The following DPM1 variants were observed in gnomAD, a reference collection of about 807,000 sequenced individuals.
DPM1 encodes the protein dolichol-phosphate mannosyltransferase subunit 1.
Under a neutral mutation model 39.0 loss-of-function variants are expected in DPM1, and 27 were observed. That is an observed-to-expected ratio of 0.69 (90% confidence interval 0.51 to 0.95). The LOEUF is 0.95. DPM1 is among the 40% of genes least tolerant of loss of function. The pLI is 0.00. For missense variants in DPM1, 307 were observed against 315.6 expected, an observed-to-expected ratio of 0.97 and a Z score of 0.21; for synonymous variants, 124 against 109.0, an observed-to-expected ratio of 1.14 and a Z score of -0.86.
chr20:50,941,374 TTATATATATTCATATATATATTCATATTA>T (rs1217059376), intron 6 of DPM1, among the ~76,000 whole-genome samples: 1 of 142,826 alleles, frequency 7.0e-6, no homozygotes, highest in Non-Finnish European at 1.5e-5. Flanking sequence ...TATATTCATA[TTATATATATTCATATATATATTCATATTA>T]TATATATATA....
At chr20:50,945,663 T>C in intron 5 of DPM1, 74 bp downstream of exon 5, 1 of 1,325,704 alleles carries the variant, frequency 7.5e-7, no homozygotes, top group Non-Finnish European at 1.1e-6. Flanking sequence ...TAATAAAAAA[T>C]GAAAATAAGC....
intron 5 of DPM1, 148 bp downstream of exon 5, chr20:50,945,589 C>T: frequency 1.3e-6 from 1 of 789,530 alleles, no homozygotes. Context: ...AGCAACCCTC[C>T]TACCCTGACT....
intron 7 of DPM1, among the ~76,000 whole-genome samples, chr20:50,936,697 TCA>T (rs1199359485): frequency 1.3e-5 from 2 of 152,222 alleles, no homozygotes; most frequent in South Asian, 4.1e-4. Flanking sequence ...ACCTCATAAT[TCA>T]CAGTCATTTT....
intron 1 of DPM1, among the ~76,000 whole-genome samples, chr20:50,956,386 G>GAGGTC (rs1404818010): frequency 1.3e-5 from 2 of 152,000 alleles, no homozygotes; most frequent in Non-Finnish European, 2.9e-5. Flanking sequence ...GGCGGATCAC[G>GAGGTC]AGGTCAGGAT....
chr20:50,951,607 G>A (rs1015404423), intron 2 of DPM1, among the ~76,000 whole-genome samples: 3 of 152,028 alleles, frequency 2.0e-5, no homozygotes, highest in Non-Finnish European at 4.4e-5. Flanking sequence ...TGACCAACAC[G>A]GTGAAGCCCA....
intron 2 of DPM1, among the ~76,000 whole-genome samples, chr20:50,953,743 G>A (rs1442294699): frequency 6.6e-6 from 1 of 152,096 alleles, no homozygotes; most frequent in Non-Finnish European, 1.5e-5. Context: ...CTAAGGCTGA[G>A]GTTTTATGAC....
intron 1 of DPM1, among the ~76,000 whole-genome samples, chr20:50,956,283 C>T (rs193220386): frequency 2.6e-5 from 4 of 152,236 alleles, no homozygotes; most frequent in East Asian, 3.9e-4. Context: ...CATAACATTC[C>T]GTTTTCTCTT....
chr20:50,958,489 C>G lies in DPM1; in HGVS notation c.35G>C (p.Arg12Thr). Residue 12 changes from arginine (R) to threonine (T), a missense_variant, in exon 1 of 9, where the codon AGG (arginine) becomes ACG (threonine). This residue lies in a region of DPM1 where 206 missense variants were observed against 188.2 expected (regional missense o/e 1.09). Transcript: ENST00000371588. ...ASLEVSRSPRRSRRELEVRSP... is the reference protein window; with the variant it reads ...ASLEVSRSPRTSRRELEVRSP... ...GCGCACTTCCAGCTCCCGCCGAGAC[C>G]TGCGAGGACTACGACTGACTTCCAA... is the stretch of plus-strand genomic sequence containing the variant. 6.2e-7 allele frequency: 1 copy of G among 1,613,942 alleles called. No homozygotes were observed. Among genetic ancestry groups the G allele is most frequent in the Non-Finnish European group, 8.5e-7 (1 of 1,180,020 alleles).
chr20:50,950,651 T>A (rs1223908744), intron 2 of DPM1, among the ~76,000 whole-genome samples: 1 of 152,086 alleles, frequency 6.6e-6, no homozygotes, highest in Admixed American at 6.6e-5. Context: ...GGTGAATCAT[T>A]TGAGGTCAGG....
At chr20:50,943,471 T>A (rs1231355089) in intron 5 of DPM1, among the ~76,000 whole-genome samples, 1 of 151,182 alleles carries the variant, frequency 6.6e-6, no homozygotes, top group South Asian at 2.1e-4. Flanking sequence ...GTGATTCTCC[T>A]GCCTCAGCCT....
intron 1 of DPM1, 94 bp downstream of exon 1, chr20:50,958,269 C>T: frequency 4.6e-6 from 7 of 1,532,756 alleles, no homozygotes; most frequent in African/African-American, 1.4e-5. Flanking sequence ...GCAAAGAAGG[C>T]TGGACAGGGC....
chr20:50,939,080 A>C (rs117820637), intron 7 of DPM1, among the ~76,000 whole-genome samples: 1 of 152,206 alleles, frequency 6.6e-6, no homozygotes, highest in Non-Finnish European at 1.5e-5. Flanking sequence ...TGCTGTCAAT[A>C]CATGAAAATC....
intron 2 of DPM1, among the ~76,000 whole-genome samples, chr20:50,949,677 T>C (rs1056510669): frequency 2.6e-5 from 4 of 152,210 alleles, no homozygotes; most frequent in African/African-American, 7.2e-5. Flanking sequence ...CTTGTCTATC[T>C]TGTCCCCTTC....
At position 50,942,241 on chromosome 20, in the gene DPM1, C is replaced by T. The variant is rs1985901498; in HGVS notation, c.399-115G>A. On this transcript the variant is annotated intron_variant, in intron 5 of 8. Coordinates refer to ENST00000371588, the MANE Select transcript of DPM1 (RefSeq NM_003859.3). ...AGTCGACACAGGCTGGGTGCAGTGG[C>T]TCACGCCTGCAATCCTAGCACTTTG... The T allele has an allele frequency of 4.4e-6, 4 of 901,954 alleles. No homozygotes were observed. In the Admixed American group the frequency reaches 5.5e-5, roughly 12 times the overall value. 55.9% of individuals were successfully genotyped at this position (901,954 alleles called of 1,614,324 possible). A position where few individuals can be genotyped will look rare whatever the true frequency, so the allele number is the denominator to read the frequency against.
At chr20:50,958,542 G>T, upstream of DPM1, 1 of 1,613,074 alleles carries the variant, frequency 6.2e-7, no homozygotes, top group Non-Finnish European at 8.5e-7. Context: ...TGAGCCAGAT[G>T]CCGGAAGCGG....
intron 2 of DPM1, among the ~76,000 whole-genome samples, chr20:50,951,431 C>CA (rs1164878556): frequency 1.3e-5 from 2 of 152,182 alleles, no homozygotes; most frequent in African/African-American, 2.4e-5. Flanking sequence ...CATATATGCA[C>CA]AAAAAAACGC....
At chr20:50,941,156 G>A (rs1202074210) in intron 6 of DPM1, 4 of 567,416 alleles carry the variant, frequency 7.0e-6, no homozygotes, top group African/African-American at 6.1e-5. Context: ...CAAGATGGCT[G>A]GATCACTTGA....
rs371841749 is a variant in DPM1 at position 50,955,180 on chromosome 20, A to C, written c.261+6T>G. On this transcript the variant is annotated splice_donor_region_variant and intron_variant, in intron 2 of 8. Coordinates refer to ENST00000371588, the MANE Select transcript of DPM1 (RefSeq NM_003859.3). ...CATATCACAGAAAAATGTTCTTATA[A>C]CTTACAATTCTGTCTGACCCATAGA... 7 of 1,602,036 alleles carry C rather than the reference A, an allele frequency of 4.4e-6. No individual in the cohort carries two copies. Among genetic ancestry groups the C allele is most frequent in the Non-Finnish European group, 6.0e-6 (7 of 1,170,252 alleles).
At chr20:50,936,378 G>C in intron 7 of DPM1, 116 bp from the exon 8 acceptor site, 1 of 676,480 alleles carries the variant, frequency 1.5e-6, no homozygotes, top group Non-Finnish European at 2.6e-6. Flanking sequence ...CTGGCCATTG[G>C]TAAACAGAAA....
Sources: allele counts gnomAD v4.1 joint callset (sites outside exome capture counted in the v4.1 genomes callset), GRCh38; gene constraint gnomAD v4.1.1; regional missense constraint gnomAD v4.1.1; transcripts MANE v1.5; gene names NCBI Gene and HGNC (gene_info 2026-07-23, HGNC 2026-07-21).